TPTE: variants seen among roughly 807,000 people sequenced by gnomAD.
TPTE encodes putative tyrosine-protein phosphatase TPTE.
In TPTE, 59 loss-of-function variants were observed where a neutral mutation model predicts 84.1. The observed-to-expected ratio is 0.70, with a 90% CI of 0.57 to 0.87. The LOEUF is 0.87. Ranked by LOEUF, TPTE falls within the 40% of genes least tolerant of loss-of-function variation. The probability of loss-of-function intolerance (pLI) is 0.00; values close to 1 mark genes in which losing one functional copy is unlikely to be tolerated. For missense variants in TPTE, 382 were observed against 659.6 expected (o/e 0.58, Z 4.61); for synonymous variants, 130 against 223.5 (o/e 0.58, Z 3.73).
Position 10,524,616 on chromosome 21 carries a change from T to G in TPTE, c.-174T>G, listed in dbSNP as rs1335974262. 1 of 152,786 alleles carries G rather than the reference T, an allele frequency of 6.5e-6. No homozygotes were observed. Among genetic ancestry groups the G allele is most frequent in the East Asian group, 1.9e-4 (1 of 5,220 alleles). The allele number at this position is 152,786 out of a possible 1,614,324, so 9.5% of individuals were successfully genotyped here. Reference sequence around the variant, plus strand: ...CCGACGACACAAGACCTCAGACTTGTGTTATTCTAGCAGCTGAACACACCC... The same window carrying G: ...CCGACGACACAAGACCTCAGACTTGGGTTATTCTAGCAGCTGAACACACCC... On this transcript the variant is annotated 5_prime_UTR_variant, in exon 2 of 24. Coordinates refer to ENST00000618007, the MANE Select transcript of TPTE (RefSeq NM_199261.4).
At chr21:10,598,957 A>AGC in intron 21 of TPTE, among the ~76,000 whole-genome samples, 1 of 152,310 alleles carries the variant, frequency 6.6e-6, no homozygotes, top group Non-Finnish European at 1.5e-5. Context: ...CTTTACTCTT[A>AGC]AAGGATGACC....
At chr21:10,597,012 G>C (rs2075600891) in intron 20 of TPTE, among the ~76,000 whole-genome samples, 1 of 152,306 alleles carries the variant, frequency 6.6e-6, no homozygotes, top group Non-Finnish European at 1.5e-5. Flanking sequence ...TAATACACTA[G>C]TTTATTAAAA....
At chr21:10,601,550 G>A (rs1978512798) in intron 21 of TPTE, among the ~76,000 whole-genome samples, 1 of 152,296 alleles carries the variant, frequency 6.6e-6, no homozygotes. Context: ...AAATATGTTG[G>A]CCTTTAAAAG....
intron 1 of TPTE, among the ~76,000 whole-genome samples, chr21:10,523,655 C>G (rs1568946781): frequency 6.6e-6 from 1 of 152,294 alleles, no homozygotes; most frequent in South Asian, 2.1e-4. Flanking sequence ...GCATAGTATT[C>G]CATGGTGTAT....
chr21:10,575,779 G>A (rs113279950), intron 14 of TPTE, among the ~76,000 whole-genome samples: 306 of 151,962 alleles, frequency 2.0e-3, no homozygotes, highest in African/African-American at 6.9e-3. Context: ...CAGAGGATCT[G>A]AACAGACACT....
chr21:10,570,349 G>C, intron 13 of TPTE, 136 bp from the exon 14 acceptor site: 1 of 1,453,518 alleles, frequency 6.9e-7, no homozygotes, highest in Non-Finnish European at 9.4e-7. Flanking sequence ...CTGAGTATTA[G>C]CTCTTTTCTG....
chr21:10,565,125 A>G (rs1450813784), intron 10 of TPTE, among the ~76,000 whole-genome samples: 2 of 152,312 alleles, frequency 1.3e-5, no homozygotes, highest in Non-Finnish European at 2.9e-5. Flanking sequence ...ACTCCACCAA[A>G]AAAAACTATT....
chr21:10,531,595 C>T (rs543239817), intron 3 of TPTE, among the ~76,000 whole-genome samples: 9 of 152,422 alleles, frequency 5.9e-5, no homozygotes, highest in Non-Finnish European at 1.2e-4. Flanking sequence ...TTTGGACTAT[C>T]GCTTTATGTA....
chr21:10,575,971 TTGG>T (rs1267642488), intron 14 of TPTE, among the ~76,000 whole-genome samples: 2 of 152,312 alleles, frequency 1.3e-5, no homozygotes, highest in African/African-American at 2.4e-5. Flanking sequence ...AGAAATGCTG[TTGG>T]TGGGTGTGTA....
At chr21:10,588,197 G>T (rs1482040711) in intron 17 of TPTE, among the ~76,000 whole-genome samples, 3 of 149,574 alleles carry the variant, frequency 2.0e-5, no homozygotes, top group Non-Finnish European at 4.5e-5. Flanking sequence ...TTTCTTGAGT[G>T]TTTTTTTTTT....
At chr21:10,560,657 G>T (rs1229605889) in intron 9 of TPTE, among the ~76,000 whole-genome samples, 2 of 152,306 alleles carry the variant, frequency 1.3e-5, no homozygotes, top group South Asian at 2.1e-4. Context: ...ATTAATGAGG[G>T]TTTATTTTTT....
chr21:10,583,342 G>GT (rs1172423935), intron 17 of TPTE, among the ~76,000 whole-genome samples: 5 of 152,396 alleles, frequency 3.3e-5, no homozygotes, highest in East Asian at 3.9e-4. Context: ...GATTGAGGAA[G>GT]TTTTTTTTAA....
intron 20 of TPTE, among the ~76,000 whole-genome samples, chr21:10,597,389 A>C (rs939287349): frequency 6.6e-6 from 1 of 152,334 alleles, no homozygotes; most frequent in Non-Finnish European, 1.5e-5. Context: ...GTTGCAAGTC[A>C]CCTTTCCTGA....
chr21:10,586,816 G>T (rs59510218), intron 17 of TPTE, among the ~76,000 whole-genome samples: 3,930 of 142,682 alleles, frequency 0.028, no homozygotes, highest in African/African-American at 0.11. Flanking sequence ...TTATTCTAAA[G>T]ATTTACTTAC....
At chr21:10,537,040 G>A (rs1469272031) in intron 3 of TPTE, among the ~76,000 whole-genome samples, 6 of 152,312 alleles carry the variant, frequency 3.9e-5, no homozygotes. Flanking sequence ...ATTGTATGGG[G>A]CAGTTTCTTG....
At chr21:10,560,993 G>C in intron 9 of TPTE, 37 bp from the exon 10 acceptor site, 1 of 1,585,616 alleles carries the variant, frequency 6.3e-7, no homozygotes, top group South Asian at 1.2e-5. Flanking sequence ...CTTTATCTTT[G>C]CATTTATTTA....
chr21:10,561,059 A>G lies in TPTE; in HGVS notation c.314A>G (p.Asp105Gly), dbSNP rs2074791441. 6.2e-7 allele frequency: 1 copy of G among 1,612,072 alleles called. No homozygotes were observed. The highest frequency in any genetic ancestry group is 8.5e-7 in the Non-Finnish European group (1 of 1,179,856). The change falls in exon 10 of 24, where the codon GAT (aspartate) becomes GGT (glycine). Residue 105 changes from aspartate to glycine, a missense_variant. By Grantham distance (94) the Asp-to-Gly change is moderately conservative (BLOSUM62 -1). Transcript: ENST00000618007. Reference protein sequence around the residue: ...GLFGVFLVLLDVTLILADLIF... With the variant: ...GLFGVFLVLLGVTLILADLIF... Reference sequence around the variant, plus strand: ...TTTGGAGTTTTCCTGGTCTTACTGGATGTCACTCTCATCCTTGCCGACCTA... The same window carrying G: ...TTTGGAGTTTTCCTGGTCTTACTGGGTGTCACTCTCATCCTTGCCGACCTA...
chr21:10,569,524 G>C lies in TPTE; in HGVS notation c.654G>C (p.Leu218=), dbSNP rs747123206. Residue 218 remains leucine, a synonymous_variant, in exon 12 of 24, where the codon CTG becomes CTC. Transcript: ENST00000618007. ...ATCAAAAAAGACAACTTGAAAAGCT[G>C]ATAAGAAGGCGGGTAAGTGGGCAAA... ...LFHQKRQLEK[L]IRRRVSENKR... 212 of 1,611,402 alleles carry C rather than the reference G, an allele frequency of 1.3e-4. No homozygotes were observed. In the Middle Eastern group the frequency reaches 3.5e-3, roughly 26 times the overall value.
intron 10 of TPTE, among the ~76,000 whole-genome samples, chr21:10,567,309 T>A (rs2074942377): frequency 6.6e-6 from 1 of 152,312 alleles, no homozygotes; most frequent in Non-Finnish European, 1.5e-5. Context: ...TATTTTTAAA[T>A]GACTGAAAGA....
Sources: gnomAD v4.1 joint callset for allele counts (sites outside exome capture counted in the v4.1 genomes callset) on GRCh38, gnomAD v4.1.1 for gene constraint, MANE v1.5 for transcripts, NCBI Gene and HGNC (gene_info 2026-07-23, HGNC 2026-07-21) for gene names.